The following FAF1 variants were observed in gnomAD, a reference collection of about 807,000 sequenced individuals.
FAF1 encodes the protein Fas associated factor 1, also known as FAS-associated factor 1.
Under a neutral mutation model 92.5 loss-of-function variants are expected in FAF1, and 25 were observed. The ratio of observed to expected loss-of-function variants is 0.27; its 90% confidence interval spans 0.20 to 0.38. FAF1 has a LOEUF of 0.38. Among genes scored for constraint, FAF1 ranks in the 10% least tolerant of loss-of-function variants. The pLI, the probability that FAF1 is intolerant of heterozygous loss-of-function variation, is 1.00. For missense variants in FAF1, 636 were observed against 793.3 expected, an observed-to-expected ratio of 0.80 and a Z score of 2.38; for synonymous variants, 234 against 273.2, an observed-to-expected ratio of 0.86 and a Z score of 1.42.
intron 1 of FAF1, among the ~76,000 whole-genome samples, chr1:50,949,359 T>C (rs779521547): frequency 1.4e-4 from 21 of 152,246 alleles, no homozygotes; most frequent in Non-Finnish European, 2.5e-4. Flanking sequence ...AATTCTTTAC[T>C]ATCGGGCGAT....
intron 6 of FAF1, among the ~76,000 whole-genome samples, chr1:50,719,410 GCTTT>G (rs2124450853): frequency 6.6e-6 from 1 of 152,148 alleles, no homozygotes; most frequent in East Asian, 1.9e-4. Flanking sequence ...ACTTTTAATT[GCTTT>G]CTTTGCTGGC....
intron 1 of FAF1, among the ~76,000 whole-genome samples, chr1:50,905,661 T>C (rs1644831756): frequency 6.6e-6 from 1 of 152,246 alleles, no homozygotes; most frequent in Non-Finnish European, 1.5e-5. Flanking sequence ...CATGTGTCTG[T>C]TGGCTGCATA....
chr1:50,486,146 T>C (rs987536162), intron 17 of FAF1, among the ~76,000 whole-genome samples: 1 of 152,208 alleles, frequency 6.6e-6, no homozygotes, highest in Admixed American at 6.5e-5. Context: ...TCCCACTTAG[T>C]AGTCATTAAT....
chr1:50,801,611 G>T lies in FAF1; in HGVS notation c.161+20C>A, dbSNP rs753310757. 2.8e-6 allele frequency: 4 copies of T among 1,427,918 alleles called. No homozygotes were observed. The Admixed American group carries it at 5.0e-5, about 18-fold the overall frequency. 88.5% of individuals were successfully genotyped at this position (1,427,918 alleles called of 1,614,324 possible). On this transcript the variant is annotated intron_variant, in intron 3 of 18. Coordinates refer to ENST00000396153, the MANE Select transcript of FAF1 (RefSeq NM_007051.3). The stretch of plus-strand genomic sequence containing the variant: ...TTGTTCTGCTAAGTCATCTTAACTG[G>T]TAAGCACTTTATAACATACCTTTGT...
intron 8 of FAF1, among the ~76,000 whole-genome samples, chr1:50,618,601 A>G (rs1653046447): frequency 6.6e-6 from 1 of 151,784 alleles, no homozygotes. Flanking sequence ...TGTTTTATGA[A>G]TCTGGGTGCT....
At chr1:50,554,415 A>AGAGAGT (rs1443800077) in intron 13 of FAF1, among the ~76,000 whole-genome samples, 1 of 148,040 alleles carries the variant, frequency 6.8e-6, no homozygotes, top group Non-Finnish European at 1.5e-5. Flanking sequence ...AGAGAGAGAG[A>AGAGAGT]GTCTTAAATT....
At position 50,562,641 on chromosome 1, in the gene FAF1, A is replaced by G. The variant is rs1649977484; in HGVS notation, c.1268+4436T>C. ...CAGCAACTCTGTATAAAGTTCATCT[A>G]TACTCCTAAAGTACCTTGTACATAC... On this transcript the variant is annotated intron_variant, in intron 13 of 18. Coordinates refer to ENST00000396153, the MANE Select transcript of FAF1 (RefSeq NM_007051.3). Among the ~76,000 whole-genome samples the G allele has an allele frequency of 2.0e-5, 3 of 152,204 alleles. No individual in the cohort carries two copies. The South Asian group carries it at 6.2e-4, about 32-fold the overall frequency.
intron 1 of FAF1, among the ~76,000 whole-genome samples, chr1:50,912,769 T>A (rs1263793071): frequency 6.6e-6 from 1 of 152,158 alleles, no homozygotes; most frequent in Non-Finnish European, 1.5e-5. Context: ...CAAACAGCGG[T>A]TTAGTATTTG....
At chr1:50,739,923 C>T (rs1174003469) in intron 5 of FAF1, among the ~76,000 whole-genome samples, 1 of 152,084 alleles carries the variant, frequency 6.6e-6, no homozygotes, top group East Asian at 1.9e-4. Context: ...AAACTCCTAA[C>T]CTGAAGGTAA....
intron 13 of FAF1, among the ~76,000 whole-genome samples, chr1:50,542,807 C>T (rs1299714743): frequency 1.3e-5 from 2 of 152,116 alleles, no homozygotes; most frequent in East Asian, 3.9e-4. Context: ...GTTGCCAAAT[C>T]AACCCAAGGC....
At chr1:50,863,449 CAAGAAACTA>C (rs1644452550) in intron 1 of FAF1, among the ~76,000 whole-genome samples, 1 of 151,758 alleles carries the variant, frequency 6.6e-6, no homozygotes, top group East Asian at 1.9e-4. Flanking sequence ...GGTCATACCT[CAAGAAACTA>C]GAGAAACAAG....
intron 1 of FAF1, among the ~76,000 whole-genome samples, chr1:50,876,272 G>A (rs1644570854): frequency 1.3e-5 from 2 of 152,106 alleles, no homozygotes; most frequent in Non-Finnish European, 2.9e-5. Flanking sequence ...ATGAAATTAA[G>A]GTACGTTCTG....
At chr1:50,613,629 A>T (rs1652775518) in intron 8 of FAF1, among the ~76,000 whole-genome samples, 1 of 152,208 alleles carries the variant, frequency 6.6e-6, no homozygotes. Flanking sequence ...AAAATCCAAC[A>T]GATTTGAAAT....
intron 12 of FAF1, among the ~76,000 whole-genome samples, chr1:50,574,560 T>G (rs555888704): frequency 6.6e-6 from 1 of 152,114 alleles, no homozygotes; most frequent in Non-Finnish European, 1.5e-5. Context: ...TAAACAAGCA[T>G]GACAAAAGGA....
chr1:50,950,710 C>T (rs1019353915), intron 1 of FAF1, among the ~76,000 whole-genome samples: 19 of 152,236 alleles, frequency 1.2e-4, no homozygotes, highest in Admixed American at 7.9e-4. Context: ...CCTGTGAACA[C>T]AGAAGCATGG....
chr1:50,934,667 T>C (rs1264765129), intron 1 of FAF1, among the ~76,000 whole-genome samples: 3 of 152,168 alleles, frequency 2.0e-5, no homozygotes, highest in African/African-American at 7.2e-5. Context: ...AAGGCTGCAA[T>C]AAGCCATGTT....
intron 2 of FAF1, among the ~76,000 whole-genome samples, chr1:50,804,501 A>G (rs1662114699): frequency 6.6e-6 from 1 of 152,196 alleles, no homozygotes; most frequent in Non-Finnish European, 1.5e-5. Flanking sequence ...AGAAGAAACT[A>G]TAAGGAGCTA....
intron 18 of FAF1, among the ~76,000 whole-genome samples, chr1:50,444,070 G>A (rs1006384607): frequency 7.9e-5 from 12 of 152,160 alleles, no homozygotes; most frequent in Non-Finnish European, 1.6e-4. Context: ...TTCTTTGAAG[G>A]TCATTTTAGG....
chr1:50,658,465 C>A lies in FAF1; in HGVS notation c.658-2937G>T, dbSNP rs1655224997. Among the ~76,000 whole-genome samples, 3 of 152,068 alleles carry A rather than the reference C, an allele frequency of 2.0e-5. No homozygotes were observed. In the South Asian group the frequency reaches 6.2e-4, roughly 31 times the overall value. The stretch of plus-strand genomic sequence containing the variant: ...CAACAATAAAGTATTATGAAATAAA[C>A]AGTATTTTCTTTTTTCATTAACTCA... On this transcript the variant is annotated intron_variant, in intron 7 of 18. Transcript: ENST00000396153.
Sources: gnomAD v4.1 joint callset for allele counts (sites outside exome capture counted in the v4.1 genomes callset) on GRCh38, gnomAD v4.1.1 for gene constraint, MANE v1.5 for transcripts, NCBI Gene and HGNC (gene_info 2026-07-23, HGNC 2026-07-21) for gene names.